COL21A1: variants seen among roughly 807,000 people sequenced by gnomAD.
The protein encoded by COL21A1 is collagen type XXI alpha 1 chain.
COL21A1 carries 149 observed loss-of-function variants against 137.9 expected under a neutral mutation model. That is an observed-to-expected ratio of 1.08 (90% CI 0.95 to 1.24). COL21A1 has a LOEUF of 1.24. Ranked by LOEUF, COL21A1 falls within the 50% of genes most tolerant of loss-of-function variation. COL21A1 has a pLI of 0.00. For missense variants in COL21A1, 1,167 were observed against 1,158.4 expected, an observed-to-expected ratio of 1.01 and a Z score of -0.11; for synonymous variants, 456 against 391.5, an observed-to-expected ratio of 1.16 and a Z score of -1.95.
chr6:56,060,264 T>A (rs758851875), intron 27 of COL21A1, 46 bp from the exon 28 acceptor site: 2 of 1,410,588 alleles, frequency 1.4e-6, no homozygotes, highest in Non-Finnish European at 1.9e-6. Flanking sequence ...AAATGGTGAG[T>A]TGGTGTTAAT....
At chr6:56,142,094 C>T in intron 10 of COL21A1, 111 bp from the exon 11 acceptor site, 2 of 737,514 alleles carry the variant, frequency 2.7e-6, no homozygotes, top group Admixed American at 2.9e-5. Context: ...TAAAACTTCA[C>T]TTAGAGACAA....
intron 1 of COL21A1, among the ~76,000 whole-genome samples, chr6:56,221,501 T>C (rs536190717): frequency 6.6e-6 from 1 of 152,202 alleles, no homozygotes; most frequent in African/African-American, 2.4e-5. Flanking sequence ...AGCAGGAGGA[T>C]TACTTGAGCC....
intron 17 of COL21A1, among the ~76,000 whole-genome samples, chr6:56,095,340 G>A (rs1277333545): frequency 5.3e-5 from 8 of 151,918 alleles, no homozygotes; most frequent in East Asian, 1.9e-4. Context: ...TATCTTACCC[G>A]CATCTAATGG....
intron 19 of COL21A1, 29 bp from the exon 20 acceptor site, chr6:56,074,314 T>C: frequency 3.4e-6 from 5 of 1,476,268 alleles, no homozygotes; most frequent in Non-Finnish European, 4.6e-6. Flanking sequence ...ATTTCAAGAG[T>C]AACTTAGAGA....
At chr6:56,359,532 G>A (rs185537405) in intron 1 of COL21A1, among the ~76,000 whole-genome samples, 20 of 152,246 alleles carry the variant, frequency 1.3e-4, no homozygotes, top group Admixed American at 1.2e-3. Flanking sequence ...CCTGTAATTC[G>A]TTATTACATT....
At chr6:56,334,807 A>G (rs1358095092) in intron 1 of COL21A1, among the ~76,000 whole-genome samples, 1 of 152,164 alleles carries the variant, frequency 6.6e-6, no homozygotes, top group Admixed American at 6.5e-5. Flanking sequence ...CATTGTGAAA[A>G]TGGGTTAGTT....
At chr6:56,380,632 C>G (rs2094007253) in intron 1 of COL21A1, among the ~76,000 whole-genome samples, 1 of 152,162 alleles carries the variant, frequency 6.6e-6, no homozygotes, top group Admixed American at 6.6e-5. Flanking sequence ...CTTCCTGTTC[C>G]AGTTCTCATA....
At chr6:56,151,185 G>A (rs1448585827) in intron 10 of COL21A1, among the ~76,000 whole-genome samples, 2 of 151,912 alleles carry the variant, frequency 1.3e-5, no homozygotes, top group African/African-American at 4.8e-5. Context: ...GAGATCGCTC[G>A]GCTGCACTCC....
chr6:56,157,072 T>TAAAAA (rs61242227), intron 9 of COL21A1, 123 bp from the exon 10 acceptor site: 128 of 496,868 alleles, frequency 2.6e-4, no homozygotes, highest in African/African-American at 1.0e-3. Flanking sequence ...AAAACAAAAG[T>TAAAAA]AAAAAAAAAA....
chr6:56,306,381 A>G (rs1764453104), intron 1 of COL21A1, among the ~76,000 whole-genome samples: 1 of 151,944 alleles, frequency 6.6e-6, no homozygotes, highest in Admixed American at 6.6e-5. Flanking sequence ...TCAGACATAG[A>G]TTTGGTCTTT....
intron 1 of COL21A1, among the ~76,000 whole-genome samples, chr6:56,212,679 G>A (rs1780243343): frequency 6.6e-6 from 1 of 151,864 alleles, no homozygotes; most frequent in African/African-American, 2.4e-5. Flanking sequence ...CCAAGGAAAA[G>A]GCACAGAAAA....
chr6:56,177,053 AAGT>A (rs1231083320), intron 3 of COL21A1, among the ~76,000 whole-genome samples: 5 of 151,640 alleles, frequency 3.3e-5, no homozygotes, highest in Admixed American at 6.6e-5. Context: ...GTAGTAGTAG[AAGT>A]AGTAGTAGAA....
Position 56,364,167 on chromosome 6 carries a change from A to T in COL21A1, c.-39+29804T>A, listed in dbSNP as rs185094264. Among the ~76,000 whole-genome samples the T allele has an allele frequency of 1.9e-3, 292 of 152,250 alleles. 1 individual carries two copies. Among genetic ancestry groups the T allele is most frequent in the Non-Finnish European group, 2.6e-3 (178 of 68,014 alleles). ...TTGAGTTGCTGCTGATGAGCTCTTT[A>T]GTGCCCCAGCCCCTCATTAATGTTA... On this transcript the variant is annotated intron_variant, in intron 1 of 28. Coordinates refer to the COL21A1 transcript ENST00000370819.
intron 1 of COL21A1, among the ~76,000 whole-genome samples, chr6:56,220,421 A>T (rs961684253): frequency 2.0e-5 from 3 of 152,210 alleles, no homozygotes; most frequent in Non-Finnish European, 4.4e-5. Context: ...AAGGAAGTTT[A>T]AAATTGCTGA....
chr6:56,311,923 G>A (rs778509729), intron 1 of COL21A1, among the ~76,000 whole-genome samples: 1 of 152,186 alleles, frequency 6.6e-6, no homozygotes, highest in Non-Finnish European at 1.5e-5. Context: ...TGCCTCAACT[G>A]AGTCTTGAAA....
At chr6:56,088,685 G>C (rs1768500480) in intron 17 of COL21A1, among the ~76,000 whole-genome samples, 3 of 152,088 alleles carry the variant, frequency 2.0e-5, no homozygotes, top group African/African-American at 4.8e-5. Flanking sequence ...CTTTTTGGGA[G>C]CACTTCCAAA....
At chr6:56,204,072 G>A (rs1779585012) in intron 1 of COL21A1, among the ~76,000 whole-genome samples, 1 of 152,036 alleles carries the variant, frequency 6.6e-6, no homozygotes, top group South Asian at 2.1e-4. Flanking sequence ...TAGCTGTGGA[G>A]TTTTTTTGTT....
At position 56,061,081 on chromosome 6, in the gene COL21A1, A is replaced by T. The variant is rs375026913; in HGVS notation, c.2206-44T>A. ...TTTACAAGTTCTATTTAAATATTTC[A>T]GGAGGTATAATTGCATCATGAAGCT... On this transcript the variant is annotated intron_variant, in intron 25 of 29. Coordinates refer to ENST00000244728, the MANE Select transcript of COL21A1 (RefSeq NM_030820.4). 9 of 1,526,942 alleles carry T rather than the reference A, an allele frequency of 5.9e-6. No individual in the cohort carries two copies. The African/African-American group carries it at 1.3e-4, about 21-fold the overall frequency. 94.6% of individuals were successfully genotyped at this position (1,526,942 alleles called of 1,614,324 possible).
intron 1 of COL21A1, among the ~76,000 whole-genome samples, chr6:56,246,742 A>G (rs1782666864): frequency 1.3e-5 from 2 of 152,134 alleles, no homozygotes; most frequent in Admixed American, 1.3e-4. Context: ...GTATTTCTCA[A>G]AGTTACCAGG....
Sources: gnomAD v4.1 joint callset for allele counts (sites outside exome capture counted in the v4.1 genomes callset) on GRCh38, gnomAD v4.1.1 for gene constraint, MANE v1.5 for transcripts, NCBI Gene and HGNC (gene_info 2026-07-23, HGNC 2026-07-21) for gene names.